Variants in IPPK observed in about 807,000 individuals in gnomAD.
The protein encoded by IPPK is inositol-pentakisphosphate 2-kinase.
A neutral mutation model predicts 64.6 loss-of-function variants in IPPK; 22 were observed. The ratio of observed to expected loss-of-function variants is 0.34; its 90% CI spans 0.24 to 0.49. The LOEUF (loss-of-function observed/expected upper bound fraction) is 0.49, where lower values mean the gene tolerates loss of function less well. Ranked by LOEUF, IPPK falls within the 20% of genes least tolerant of loss-of-function variation. IPPK has a pLI of 0.99. For missense variants in IPPK, 532 were observed against 630.7 expected, an observed-to-expected ratio of 0.84 and a Z score of 1.68; for synonymous variants, 262 against 247.2, an observed-to-expected ratio of 1.06 and a Z score of -0.56.
intron 1 of IPPK, among the ~76,000 whole-genome samples, chr9:92,667,033 C>T (rs545784347): frequency 5.9e-5 from 9 of 152,218 alleles, no homozygotes; most frequent in Non-Finnish European, 1.2e-4. Context: ...TCCTGCAGGA[C>T]GAGCTCAGGC....
chr9:92,661,441 C>G (rs1302437058), intron 1 of IPPK, among the ~76,000 whole-genome samples: 4 of 152,208 alleles, frequency 2.6e-5, no homozygotes, highest in Admixed American at 2.6e-4. Flanking sequence ...TGCTGCCCCC[C>G]AGGAGAGGAT....
At chr9:92,618,670 A>C (rs1454900270) in intron 12 of IPPK, 3 of 416,278 alleles carry the variant, frequency 7.2e-6, no homozygotes, top group Non-Finnish European at 1.5e-5. Flanking sequence ...AAATAGAACA[A>C]CCTTTTTTCT....
chr9:92,615,919 T>C lies in IPPK; in HGVS notation c.1389A>G (p.Ser463=). 1 of 1,614,198 alleles carries C rather than the reference T, an allele frequency of 6.2e-7. No homozygotes were observed. The highest frequency in any genetic ancestry group is 8.5e-7 in the Non-Finnish European group (1 of 1,180,044). Residue 463 remains serine, a synonymous_variant, in exon 13 of 13, where the codon TCA becomes TCG. Coordinates refer to ENST00000287996, the MANE Select transcript of IPPK (RefSeq NM_022755.6). ...CGTTGTCTTTGGCACGTACAGTCTT[T>C]GAATAATAGTTGACGATCTTGCCGT... ...KLDGKIVNYY[S]KTVRAKDNAV...
chr9:92,626,415 A>G (rs1297420817), intron 11 of IPPK, among the ~76,000 whole-genome samples: 2 of 152,120 alleles, frequency 1.3e-5, no homozygotes, highest in Non-Finnish European at 2.9e-5. Context: ...AAAAAGAACT[A>G]CTGAAATGGA....
chr9:92,628,283 A>G (rs758604882), intron 11 of IPPK, among the ~76,000 whole-genome samples: 2 of 152,242 alleles, frequency 1.3e-5, no homozygotes, highest in Non-Finnish European at 2.9e-5. Context: ...TCAAGTCCCT[A>G]TGAGAATCCC....
At chr9:92,629,615 G>T (rs1417461797) in intron 11 of IPPK, among the ~76,000 whole-genome samples, 1 of 151,624 alleles carries the variant, frequency 6.6e-6, no homozygotes, top group Non-Finnish European at 1.5e-5. Flanking sequence ...AGCCAGGGAT[G>T]GTGGTGTGCA....
Position 92,658,685 on chromosome 9 carries a change from T to A in IPPK, c.82-4A>T. ...GAAACCGCAGCACGACGCAGCGCTG[T>A]TGGAAAATAAAACAAATCTGATTAG... is the stretch of plus-strand genomic sequence containing the variant. On this transcript the variant is annotated splice_region_variant and splice_polypyrimidine_tract_variant and intron_variant, in intron 1 of 12. Coordinates refer to ENST00000287996, the MANE Select transcript of IPPK (RefSeq NM_022755.6). 1 of 1,613,730 alleles carries A rather than the reference T, an allele frequency of 6.2e-7. No homozygotes were observed. The highest frequency in any genetic ancestry group is 8.5e-7 in the Non-Finnish European group (1 of 1,179,750).
At position 92,613,423 on chromosome 9, in the gene IPPK, AT is replaced by A; in HGVS notation, c.*2408del. 1 of 360,616 alleles carries A rather than the reference AT, an allele frequency of 2.8e-6. No individual in the cohort carries two copies. Among genetic ancestry groups the A allele is most frequent in the Non-Finnish European group, 5.3e-6 (1 of 189,072 alleles). 22.3% of individuals were successfully genotyped at this position (360,616 alleles called of 1,614,324 possible). On this transcript the variant is annotated 3_prime_UTR_variant, in exon 13 of 13. Transcript: ENST00000287996. ...GTACCAAGTGGTTGTGTGTCCTCAG[AT>A]GTGTGGGGAGGATCCATCCCCCACC...
intron 2 of IPPK, among the ~76,000 whole-genome samples, chr9:92,658,007 G>A (rs1852407500): frequency 1.3e-5 from 2 of 152,186 alleles, no homozygotes; most frequent in African/African-American, 4.8e-5. Flanking sequence ...TCAGCTGCAT[G>A]TGTCCCCTCA....
intron 6 of IPPK, among the ~76,000 whole-genome samples, chr9:92,644,697 A>G (rs540095435): frequency 6.6e-6 from 1 of 152,354 alleles, no homozygotes; most frequent in East Asian, 1.9e-4. Context: ...TATTGGCCAC[A>G]TATGACAAAG....
chr9:92,626,875 C>T (rs987275043), intron 11 of IPPK, among the ~76,000 whole-genome samples: 1 of 149,886 alleles, frequency 6.7e-6, no homozygotes, highest in African/African-American at 2.5e-5. Context: ...GACATCTTAA[C>T]AGCAAAAACC....
In IPPK at chr9:92,640,719, C is replaced by T; in HGVS notation, c.627G>A (p.Lys209=). Residue 209 remains lysine (K), a synonymous_variant, in exon 8 of 13, where the codon AAG becomes AAA. Transcript: ENST00000287996. ...TCAAAGCAGCTCTTACCTTAAATATCTTCAAGTTGTTCTGTGCCTCCTGCA... is the reference window on the plus strand; with the variant it reads ...TCAAAGCAGCTCTTACCTTAAATATTTTCAAGTTGTTCTGTGCCTCCTGCA... ...SLLQEAQNNL[K]IFKNGELIYG... is the part of the protein sequence containing the mutation. 2 of 1,610,000 alleles carry T rather than the reference C, an allele frequency of 1.2e-6. No homozygotes were observed. Among genetic ancestry groups the T allele is most frequent in the Non-Finnish European group, 1.7e-6 (2 of 1,176,200 alleles).
chr9:92,638,400 A>G (rs1348114401), intron 8 of IPPK, 120 bp from the exon 9 acceptor site: 3 of 1,166,526 alleles, frequency 2.6e-6, no homozygotes, highest in African/African-American at 3.1e-5. Context: ...GATGCTGTCC[A>G]CCCAATCTGG....
chr9:92,616,250 T>C (rs778278321), intron 12 of IPPK, 193 bp from the exon 13 acceptor site: 4 of 543,174 alleles, frequency 7.4e-6, no homozygotes, highest in Non-Finnish European at 1.3e-5. Flanking sequence ...AGAGCACTCG[T>C]TCTGTGCACC....
At chr9:92,668,776 T>C (rs1253230815) in intron 1 of IPPK, among the ~76,000 whole-genome samples, 3 of 152,176 alleles carry the variant, frequency 2.0e-5, no homozygotes, top group African/African-American at 7.2e-5. Flanking sequence ...CTCTGTTCTT[T>C]AGTTCCCTGT....
chr9:92,634,029 G>A (rs1851891967), intron 11 of IPPK, among the ~76,000 whole-genome samples: 1 of 152,238 alleles, frequency 6.6e-6, no homozygotes, highest in African/African-American at 2.4e-5. Context: ...AGAGGCACAG[G>A]TGGGGTCCCA....
intron 12 of IPPK, chr9:92,618,477 A>G (rs1052943371): frequency 2.2e-6 from 1 of 456,426 alleles, no homozygotes; most frequent in Non-Finnish European, 4.4e-6. Flanking sequence ...CAGCCCACCT[A>G]AGGGCACCCT....
chr9:92,619,823 C>T (rs1851569743), intron 11 of IPPK: 5 of 514,602 alleles, frequency 9.7e-6, no homozygotes, highest in Admixed American at 3.1e-5. Flanking sequence ...TGTGGGACCC[C>T]GACTCCAGAC....
At position 92,615,787 on chromosome 9, in the gene IPPK, G is replaced by A. The variant is rs753743419; in HGVS notation, c.*45C>T. 2.1e-6 allele frequency: 3 copies of A among 1,432,128 alleles called. No homozygotes were observed. The highest frequency in any genetic ancestry group is 3.0e-6 in the Non-Finnish European group (3 of 1,016,724). 88.7% of individuals were successfully genotyped at this position (1,432,128 alleles called of 1,614,324 possible). A position where few individuals can be genotyped will look rare whatever the true frequency, so the allele number is the denominator to read the frequency against. On this transcript the variant is annotated 3_prime_UTR_variant, in exon 13 of 13. Transcript: ENST00000287996. ...CAACAGAAAATATCTCTATCATTCA[G>A]CCTTCACATTATGTTCAAGTTTCAA...
Sources: gnomAD v4.1 joint callset for allele counts (sites outside exome capture counted in the v4.1 genomes callset) on GRCh38, gnomAD v4.1.1 for gene constraint, MANE v1.5 for transcripts, NCBI Gene and HGNC (gene_info 2026-07-23, HGNC 2026-07-21) for gene names.